The following KCNT2 variants were observed in gnomAD, a reference collection of about 807,000 sequenced individuals.
KCNT2 encodes potassium channel subfamily T member 2.
A neutral mutation model predicts 153.8 loss-of-function variants in KCNT2; 67 were observed. The observed-to-expected ratio is 0.44, with a 90% confidence interval of 0.36 to 0.53. The LOEUF (loss-of-function observed/expected upper bound fraction) is 0.53, where lower values mean the gene tolerates loss of function less well. Ranked by LOEUF, KCNT2 falls within the 20% of genes least tolerant of loss-of-function variation. The pLI, the probability that KCNT2 is intolerant of heterozygous loss-of-function variation, is 0.00. For synonymous variants in KCNT2, 500 were observed against 458.8 expected (o/e 1.09, Z -1.15); for missense variants, 975 against 1,354.8 (o/e 0.72, Z 4.40).
chr1:196,393,350 T>G (rs1448597143), intron 13 of KCNT2, among the ~76,000 whole-genome samples: 1 of 151,468 alleles, frequency 6.6e-6, no homozygotes. Flanking sequence ...AACACTTTAT[T>G]GGGAAGATAG....
chr1:196,250,382 G>A (rs774478866), intron 26 of KCNT2, among the ~76,000 whole-genome samples: 1 of 152,038 alleles, frequency 6.6e-6, no homozygotes, highest in East Asian at 1.9e-4. Flanking sequence ...ACATACATTG[G>A]GGAAAGGAAT....
At chr1:196,318,962 A>C (rs1029491655) in intron 20 of KCNT2, among the ~76,000 whole-genome samples, 1 of 151,752 alleles carries the variant, frequency 6.6e-6, no homozygotes, top group Admixed American at 6.6e-5. Flanking sequence ...TACATGTATA[A>C]GAATTTGTAT....
intron 13 of KCNT2, among the ~76,000 whole-genome samples, chr1:196,383,784 A>G (rs1006585062): frequency 1.3e-5 from 2 of 152,184 alleles, no homozygotes; most frequent in African/African-American, 4.8e-5. Context: ...AATGCTATAT[A>G]AAGTAGGAAA....
At chr1:196,384,466 C>T (rs1052191481) in intron 13 of KCNT2, among the ~76,000 whole-genome samples, 5 of 152,048 alleles carry the variant, frequency 3.3e-5, no homozygotes, top group East Asian at 1.9e-4. Flanking sequence ...CCAAGGTGGG[C>T]GGATCACTTG....
At chr1:196,404,141 A>G (rs1244309865) in intron 12 of KCNT2, 6 of 981,322 alleles carry the variant, frequency 6.1e-6, no homozygotes, top group Non-Finnish European at 4.8e-6. Flanking sequence ...CCTTGCATTT[A>G]GTGAGTTCTC....
chr1:196,267,870 C>G (rs975654904), intron 25 of KCNT2, among the ~76,000 whole-genome samples: 3 of 152,156 alleles, frequency 2.0e-5, no homozygotes, highest in Non-Finnish European at 2.9e-5. Context: ...AAAGTTTCCC[C>G]TATCCTCAGC....
At chr1:196,242,919 G>T (rs909053994) in intron 26 of KCNT2, among the ~76,000 whole-genome samples, 3 of 152,026 alleles carry the variant, frequency 2.0e-5, no homozygotes, top group Non-Finnish European at 4.4e-5. Flanking sequence ...TCATAGGTAC[G>T]TTGGGTAAAA....
At chr1:196,352,528 A>G (rs1199994586) in intron 14 of KCNT2, among the ~76,000 whole-genome samples, 1 of 152,094 alleles carries the variant, frequency 6.6e-6, no homozygotes. Context: ...GGTAGTTTGT[A>G]TTTCTGTGGG....
chr1:196,344,873 A>T (rs1277667799), intron 14 of KCNT2, among the ~76,000 whole-genome samples: 2 of 150,644 alleles, frequency 1.3e-5, no homozygotes, highest in African/African-American at 4.9e-5. Flanking sequence ...TTTCGTTGGA[A>T]TTTTTTTTTT....
chr1:196,400,822 A>G (rs1023005017), intron 12 of KCNT2, among the ~76,000 whole-genome samples: 1 of 151,830 alleles, frequency 6.6e-6, no homozygotes, highest in Non-Finnish European at 1.5e-5. Flanking sequence ...CAAAGGCCCT[A>G]GTAAACGAAC....
chr1:196,315,696 A>G (rs1662644540), intron 21 of KCNT2, among the ~76,000 whole-genome samples, 196 bp downstream of exon 21: 1 of 151,794 alleles, frequency 6.6e-6, no homozygotes, highest in African/African-American at 2.4e-5. Context: ...TATGAGAAGC[A>G]TTACTGATCT....
chr1:196,381,462 T>TTATA (rs755200034), intron 13 of KCNT2, among the ~76,000 whole-genome samples: 2 of 151,560 alleles, frequency 1.3e-5, no homozygotes, highest in African/African-American at 4.8e-5. Context: ...TCATGCTAAG[T>TTATA]TATATATATA....
chr1:196,468,011 A>C (rs1677765118), intron 6 of KCNT2, among the ~76,000 whole-genome samples: 1 of 152,114 alleles, frequency 6.6e-6, no homozygotes, highest in African/African-American at 2.4e-5. Context: ...AAAAGAAAAT[A>C]ATAATCTTTC....
At position 196,373,176 on chromosome 1, in the gene KCNT2, G is replaced by T; in HGVS notation, c.1367C>A (p.Thr456Lys). The T allele has an allele frequency of 6.3e-7, 1 of 1,581,670 alleles. No individual in the cohort carries two copies. The highest frequency in any genetic ancestry group is 8.7e-7 in the Non-Finnish European group (1 of 1,151,446). ...ALNCICPATS[T>K]LITLLVHTSR... is the part of the protein sequence containing the mutation. ...GGTATGAACCAGTAGTGTAATAAGT[G>T]TAGATGTTGCTGGGCATATACAGTT... is the stretch of plus-strand genomic sequence containing the variant. Residue 456 changes from threonine (T) to lysine (K), a missense_variant, in exon 14 of 28, where the codon ACA (threonine) becomes AAA (lysine). Coordinates refer to ENST00000294725, the MANE Select transcript of KCNT2 (RefSeq NM_198503.5).
intron 1 of KCNT2, among the ~76,000 whole-genome samples, chr1:196,564,601 C>T (rs1185477034): frequency 1.3e-5 from 2 of 151,778 alleles, no homozygotes; most frequent in African/African-American, 4.8e-5. Context: ...TTCAAATATA[C>T]CACAAAGCTA....
intron 14 of KCNT2, among the ~76,000 whole-genome samples, chr1:196,357,301 G>C (rs1667252455): frequency 6.6e-6 from 1 of 151,914 alleles, no homozygotes; most frequent in Admixed American, 6.6e-5. Context: ...GAGTTATCCA[G>C]AAAGAATGTT....
chr1:196,586,739 G>C (rs10737676), intron 1 of KCNT2, among the ~76,000 whole-genome samples: 119,057 of 151,876 alleles, frequency 0.78, 49,946 homozygotes, highest in East Asian at 0.97. Flanking sequence ...AACAACAACT[G>C]TAAGTAGTAC....
chr1:196,503,940 A>G (rs1481808248), intron 1 of KCNT2, among the ~76,000 whole-genome samples: 1 of 152,218 alleles, frequency 6.6e-6, no homozygotes, highest in Non-Finnish European at 1.5e-5. Context: ...TATGTAATGC[A>G]CTTGCTTAAG....
chr1:196,394,124 T>C (rs569872394), intron 13 of KCNT2, among the ~76,000 whole-genome samples: 1 of 151,572 alleles, frequency 6.6e-6, no homozygotes, highest in African/African-American at 2.4e-5. Context: ...ATAATGATAT[T>C]GTGAGAGGGT....
Sources: allele counts gnomAD v4.1 joint callset (sites outside exome capture counted in the v4.1 genomes callset), GRCh38; gene constraint gnomAD v4.1.1; transcripts MANE v1.5; gene names NCBI Gene and HGNC (gene_info 2026-07-23, HGNC 2026-07-21).